Variants in LUZP2 observed in about 807,000 individuals in gnomAD.
LUZP2 encodes the protein leucine zipper protein 2.
Under a neutral mutation model 51.6 loss-of-function variants are expected in LUZP2, and 52 were observed. The ratio of observed to expected loss-of-function variants is 1.01; its 90% confidence interval spans 0.81 to 1.27. The LOEUF is 1.27. LUZP2 is among the 50% of genes most tolerant of loss of function. The pLI is 0.00. For synonymous variants in LUZP2, 154 were observed against 137.3 expected, an observed-to-expected ratio of 1.12 and a Z score of -0.85; for missense variants, 436 against 395.4, an observed-to-expected ratio of 1.10 and a Z score of -0.87.
chr11:24,723,088 T>C (rs542765828), intron 1 of LUZP2, among the ~76,000 whole-genome samples: 8 of 152,266 alleles, frequency 5.3e-5, no homozygotes, highest in African/African-American at 1.4e-4. Flanking sequence ...TGAGTGAGCA[T>C]TTTATAAAGG....
chr11:24,918,446 G>A (rs1029761945), intron 7 of LUZP2, among the ~76,000 whole-genome samples: 10 of 151,706 alleles, frequency 6.6e-5, no homozygotes, highest in South Asian at 4.2e-4. Context: ...AGTTTTTGCC[G>A]ATTCAGTAGG....
intron 4 of LUZP2, among the ~76,000 whole-genome samples, chr11:24,760,582 T>C (rs902217106): frequency 6.6e-6 from 1 of 152,214 alleles, no homozygotes; most frequent in African/African-American, 2.4e-5. Flanking sequence ...TTATGTGTTC[T>C]TTTGCCATAA....
intron 9 of LUZP2, among the ~76,000 whole-genome samples, chr11:24,992,543 CA>C (rs1439870559): frequency 1.3e-5 from 2 of 152,020 alleles, no homozygotes; most frequent in Non-Finnish European, 2.9e-5. Context: ...TAACATATAC[CA>C]AACTTTCAAA....
At chr11:25,013,410 C>T (rs547859652) in intron 9 of LUZP2, among the ~76,000 whole-genome samples, 7 of 152,024 alleles carry the variant, frequency 4.6e-5, no homozygotes, top group Admixed American at 6.6e-5. Flanking sequence ...TTCACATGTA[C>T]CTTTATAAAT....
At chr11:24,722,686 G>T (rs1301403668) in intron 1 of LUZP2, among the ~76,000 whole-genome samples, 1 of 152,152 alleles carries the variant, frequency 6.6e-6, no homozygotes, top group South Asian at 2.1e-4. Context: ...GGGAGGCCAA[G>T]GCAGGAGGAT....
chr11:24,649,933 A>G (rs1398109510), intron 1 of LUZP2, among the ~76,000 whole-genome samples: 1 of 150,640 alleles, frequency 6.6e-6, no homozygotes, highest in Non-Finnish European at 1.5e-5. Context: ...GTCACCTCTA[A>G]GCTTTATACA....
intron 5 of LUZP2, among the ~76,000 whole-genome samples, chr11:24,811,231 T>C (rs962285633): frequency 9.2e-5 from 14 of 152,294 alleles, no homozygotes; most frequent in Admixed American, 8.5e-4. Context: ...TAGACTTCCA[T>C]AGATTTCTCC....
chr11:24,863,390 G>C (rs1851795771), intron 5 of LUZP2, among the ~76,000 whole-genome samples: 1 of 152,062 alleles, frequency 6.6e-6, no homozygotes, highest in Non-Finnish European at 1.5e-5. Flanking sequence ...AAAAAAAGTA[G>C]ACATGCTACA....
At chr11:25,061,033 C>T (rs992880574) in intron 10 of LUZP2, among the ~76,000 whole-genome samples, 1 of 146,548 alleles carries the variant, frequency 6.8e-6, no homozygotes, top group South Asian at 2.1e-4. Context: ...ATTTTATTTT[C>T]CAATAAGATA....
chr11:24,716,464 C>T (rs960898472), intron 1 of LUZP2, among the ~76,000 whole-genome samples: 11 of 152,080 alleles, frequency 7.2e-5, no homozygotes, highest in East Asian at 1.9e-4. Flanking sequence ...ATATAAATTA[C>T]GGCAGGACAG....
chr11:24,690,679 T>C (rs913280380), intron 1 of LUZP2, among the ~76,000 whole-genome samples: 9 of 152,078 alleles, frequency 5.9e-5, no homozygotes, highest in Admixed American at 5.2e-4. Context: ...GGAGTATGTG[T>C]ATATAGCTCA....
chr11:24,538,254 T>C (rs1590153818), intron 1 of LUZP2, among the ~76,000 whole-genome samples: 1 of 152,004 alleles, frequency 6.6e-6, no homozygotes, highest in Middle Eastern at 3.4e-3. Context: ...AACTACTAGA[T>C]ATACACCTGT....
chr11:24,819,951 A>T (rs1850306764), intron 5 of LUZP2, among the ~76,000 whole-genome samples: 1 of 152,110 alleles, frequency 6.6e-6, no homozygotes, highest in Non-Finnish European at 1.5e-5. Flanking sequence ...AATTTCAATT[A>T]TTCATGCATT....
chr11:24,522,309 T>G (rs974285198), intron 1 of LUZP2, among the ~76,000 whole-genome samples: 1 of 152,016 alleles, frequency 6.6e-6, no homozygotes, highest in African/African-American at 2.4e-5. Flanking sequence ...ACCTCTTTTT[T>G]AAGTTTCTGT....
At chr11:24,948,810 A>C (rs1854977772) in intron 7 of LUZP2, among the ~76,000 whole-genome samples, 2 of 115,758 alleles carry the variant, frequency 1.7e-5, no homozygotes, top group Admixed American at 9.3e-5. Flanking sequence ...AACTCTATCT[A>C]TCTATCTATC....
At chr11:24,765,881 C>A (rs925320458) in intron 5 of LUZP2, among the ~76,000 whole-genome samples, 1 of 152,044 alleles carries the variant, frequency 6.6e-6, no homozygotes, top group Non-Finnish European at 1.5e-5. Context: ...CTGCCTAGGC[C>A]TCCCAAAGTG....
intron 4 of LUZP2, among the ~76,000 whole-genome samples, chr11:24,747,173 G>A (rs1048527976): frequency 2.0e-5 from 3 of 152,048 alleles, no homozygotes; most frequent in Admixed American, 1.3e-4. Context: ...TCATTTGTTA[G>A]GCTCTGTCAT....
intron 1 of LUZP2, among the ~76,000 whole-genome samples, chr11:24,684,311 G>A (rs1856833558): frequency 6.6e-6 from 1 of 152,128 alleles, no homozygotes; most frequent in South Asian, 2.1e-4. Flanking sequence ...GCCTCTAGAT[G>A]ATCATTTTTC....
chr11:24,617,432 T>G (rs908204811), intron 1 of LUZP2, among the ~76,000 whole-genome samples: 6 of 152,242 alleles, frequency 3.9e-5, no homozygotes, highest in Admixed American at 6.5e-5. Context: ...GTGAGATATT[T>G]CTAACATCTG....
Sources: allele counts gnomAD v4.1 joint callset (sites outside exome capture counted in the v4.1 genomes callset), GRCh38; gene constraint gnomAD v4.1.1; transcripts MANE v1.5; gene names NCBI Gene and HGNC (gene_info 2026-07-23, HGNC 2026-07-21).